The following G3BP2 variants were observed in gnomAD, a reference collection of about 807,000 sequenced individuals.
The protein encoded by G3BP2 is ras GTPase-activating protein-binding protein 2.
In G3BP2, 11 loss-of-function variants were observed where a neutral mutation model predicts 56.7. The ratio of observed to expected loss-of-function variants is 0.19; its 90% CI spans 0.12 to 0.32. G3BP2 has a LOEUF of 0.32. Ranked by LOEUF, G3BP2 falls within the 10% of genes least tolerant of loss-of-function variation. G3BP2 has a pLI of 1.00. For synonymous variants in G3BP2, 165 were observed against 191.6 expected, an observed-to-expected ratio of 0.86 and a Z score of 1.15; for missense variants, 340 against 610.9, an observed-to-expected ratio of 0.56 and a Z score of 4.67.
intron 3 of G3BP2, among the ~76,000 whole-genome samples, chr4:75,713,454 AG>A (rs1304265497): frequency 6.6e-6 from 1 of 152,220 alleles, no homozygotes; most frequent in African/African-American, 2.4e-5. Context: ...ACAATGGAGA[AG>A]ACCGGTAGAC....
intron 3 of G3BP2, among the ~76,000 whole-genome samples, chr4:75,688,780 T>G (rs1718728322): frequency 1.3e-5 from 2 of 152,222 alleles, no homozygotes; most frequent in Admixed American, 1.3e-4. Flanking sequence ...AGAATTCCAC[T>G]AGCTCGTTTG....
chr4:75,709,773 G>T (rs1363823487), intron 3 of G3BP2, among the ~76,000 whole-genome samples: 2 of 151,898 alleles, frequency 1.3e-5, no homozygotes, highest in Non-Finnish European at 2.9e-5. Context: ...GGGCTCAAGG[G>T]ATCCTTCCAC....
At chr4:75,722,125 T>C (rs1720201018) in intron 2 of G3BP2, among the ~76,000 whole-genome samples, 1 of 152,142 alleles carries the variant, frequency 6.6e-6, no homozygotes. Context: ...TGGATTAATA[T>C]GTAACTCTTC....
chr4:75,704,946 T>G (rs999589343), intron 3 of G3BP2, among the ~76,000 whole-genome samples: 3 of 152,228 alleles, frequency 2.0e-5, no homozygotes, highest in African/African-American at 7.2e-5. Flanking sequence ...ATTTTTTATC[T>G]CTAGGCCTGC....
At chr4:75,673,649 C>A, upstream of G3BP2, 2 of 1,229,408 alleles carry the variant, frequency 1.6e-6, no homozygotes, top group Non-Finnish European at 2.0e-6. Flanking sequence ...TTTGACGTCA[C>A]AAGCAGGCTG....
intron 3 of G3BP2, among the ~76,000 whole-genome samples, chr4:75,716,494 T>C (rs1177845008): frequency 6.8e-6 from 1 of 147,404 alleles, no homozygotes; most frequent in Non-Finnish European, 1.5e-5. Context: ...TTCTTGTTTT[T>C]TTTTGTTTTT....
intron 1 of G3BP2, chr4:75,723,930 G>A (rs1319617623): frequency 6.6e-6 from 1 of 151,814 alleles, no homozygotes; most frequent in Non-Finnish European, 1.5e-5. Flanking sequence ...CACAGGGGTT[G>A]AGAGTTAATA....
chr4:75,707,437 G>A (rs936592773), intron 3 of G3BP2, among the ~76,000 whole-genome samples: 4 of 151,492 alleles, frequency 2.6e-5, no homozygotes, highest in African/African-American at 9.7e-5. Flanking sequence ...GTGAAACCCC[G>A]TCTCTACTAA....
chr4:75,675,228 G>C (rs893557707), upstream of G3BP2, among the ~76,000 whole-genome samples: 4 of 152,134 alleles, frequency 2.6e-5, no homozygotes, highest in African/African-American at 9.7e-5. Flanking sequence ...CCCTACTGCT[G>C]ACTAACCTTC....
intron 2 of G3BP2, among the ~76,000 whole-genome samples, chr4:75,661,257 T>C (rs1238862527): frequency 5.3e-5 from 8 of 152,164 alleles, no homozygotes; most frequent in Admixed American, 2.6e-4. Flanking sequence ...GCCTCCTAAG[T>C]AGATACAACT....
At chr4:75,694,030 T>G (rs1410064172) in intron 3 of G3BP2, among the ~76,000 whole-genome samples, 1 of 152,120 alleles carries the variant, frequency 6.6e-6, no homozygotes, top group Non-Finnish European at 1.5e-5. Flanking sequence ...TGTGAGGCAC[T>G]ATGCCCAGCC....
chr4:75,653,720 A>C (rs1343995143), intron 8 of G3BP2, among the ~76,000 whole-genome samples: 1 of 151,868 alleles, frequency 6.6e-6, no homozygotes, highest in Non-Finnish European at 1.5e-5. Flanking sequence ...TCTTTTTGTT[A>C]TTTTAAGAAG....
chr4:75,660,624 A>G (rs1303966240), intron 2 of G3BP2, among the ~76,000 whole-genome samples: 3 of 152,256 alleles, frequency 2.0e-5, no homozygotes, highest in African/African-American at 7.2e-5. Context: ...AAAATGCCTC[A>G]AGTAAGACAG....
At chr4:75,670,901 T>C (rs2149040212) in intron 1 of G3BP2, among the ~76,000 whole-genome samples, 1 of 152,196 alleles carries the variant, frequency 6.6e-6, no homozygotes, top group Admixed American at 6.5e-5. Flanking sequence ...AAACAAGCAA[T>C]TGTTAGCTTA....
At chr4:75,675,382 A>C (rs1733833882), upstream of G3BP2, among the ~76,000 whole-genome samples, 1 of 152,198 alleles carries the variant, frequency 6.6e-6, no homozygotes, top group South Asian at 2.1e-4. Context: ...GCTTGTTAAA[A>C]CAGATAGTTG....
intron 3 of G3BP2, among the ~76,000 whole-genome samples, chr4:75,714,899 C>T (rs1719878850): frequency 6.6e-6 from 1 of 152,160 alleles, no homozygotes; most frequent in Admixed American, 6.5e-5. Context: ...TCCAAGCTGG[C>T]ATCCTACAGC....
At chr4:75,657,776 T>C in intron 3 of G3BP2, 46 bp from the exon 4 acceptor site, 1 of 1,160,390 alleles carries the variant, frequency 8.6e-7, no homozygotes, top group Middle Eastern at 2.0e-4. Context: ...TGATACTGCA[T>C]TACCTACACA....
At chr4:75,676,549 G>T (rs1022046088), upstream of G3BP2, among the ~76,000 whole-genome samples, 1 of 151,988 alleles carries the variant, frequency 6.6e-6, no homozygotes, top group East Asian at 1.9e-4. Flanking sequence ...CACCATGTTG[G>T]CCAGGTTGAT....
At chr4:75,687,662 A>G (rs1718668139) in intron 3 of G3BP2, among the ~76,000 whole-genome samples, 1 of 152,216 alleles carries the variant, frequency 6.6e-6, no homozygotes. Context: ...GCTAAACATC[A>G]TTGCTAATTT....
Sources: gnomAD v4.1 joint callset for allele counts (sites outside exome capture counted in the v4.1 genomes callset) on GRCh38, gnomAD v4.1.1 for gene constraint, MANE v1.5 for transcripts, NCBI Gene and HGNC (gene_info 2026-07-23, HGNC 2026-07-21) for gene names.